Variants in CNTNAP2 observed in about 807,000 individuals in gnomAD.
CNTNAP2 encodes contactin associated protein 2, also known as contactin-associated protein-like 2.
Under a neutral mutation model 155.2 loss-of-function variants are expected in CNTNAP2, and 98 were observed. The observed-to-expected ratio is 0.63, with a 90% CI of 0.54 to 0.75. The LOEUF (loss-of-function observed/expected upper bound fraction) is 0.75, where lower values mean the gene tolerates loss of function less well. Ranked by LOEUF, CNTNAP2 falls within the 30% of genes least tolerant of loss-of-function variation. The probability of loss-of-function intolerance (pLI) is 0.00; values close to 1 mark genes in which losing one functional copy is unlikely to be tolerated. For synonymous variants in CNTNAP2, 651 were observed against 631.2 expected (o/e 1.03, Z -0.47); for missense variants, 1,727 against 1,688.1 (o/e 1.02, Z -0.40).
At chr7:147,574,143 CT>C (rs1255990450) in intron 12 of CNTNAP2, among the ~76,000 whole-genome samples, 4 of 152,150 alleles carry the variant, frequency 2.6e-5, no homozygotes, top group East Asian at 3.9e-4. Context: ...AATCAGAGTT[CT>C]TTTTTCTTCT....
chr7:147,307,723 C>CTTTT (rs1389359484), intron 9 of CNTNAP2, among the ~76,000 whole-genome samples: 1 of 152,086 alleles, frequency 6.6e-6, no homozygotes, highest in Non-Finnish European at 1.5e-5. Context: ...ATCTTTTTAT[C>CTTTT]TTTTTTCTAG....
In CNTNAP2 at chr7:146,831,246, A is replaced by T. The variant is rs747343586; in HGVS notation, c.209-8465A>T. Among the ~76,000 whole-genome samples the T allele has an allele frequency of 4.4e-4, 67 of 152,052 alleles. 2 individuals are homozygous for T. The highest frequency in any genetic ancestry group is 1.5e-4 in the Non-Finnish European group (10 of 67,994). On this transcript the variant is annotated intron_variant, in intron 2 of 23. Coordinates refer to ENST00000361727, the MANE Select transcript of CNTNAP2 (RefSeq NM_014141.6). ...ACCAACTTCACTGTTTTTAAAATTT[A>T]TGGTTTTTATGGTTTTTAGTTTTTG...
chr7:146,618,603 T>A (rs1459228436), intron 1 of CNTNAP2, among the ~76,000 whole-genome samples: 2 of 152,200 alleles, frequency 1.3e-5, no homozygotes, highest in Non-Finnish European at 2.9e-5. Context: ...AAAGAAACTC[T>A]GCACTTATAA....
At chr7:147,444,645 A>G (rs1797701606) in intron 10 of CNTNAP2, among the ~76,000 whole-genome samples, 1 of 151,500 alleles carries the variant, frequency 6.6e-6, no homozygotes, top group Admixed American at 6.6e-5. Context: ...GTTGCTCTGC[A>G]TAGATTATTG....
At chr7:148,193,558 G>A (rs1250443783) in intron 18 of CNTNAP2, among the ~76,000 whole-genome samples, 1 of 152,124 alleles carries the variant, frequency 6.6e-6, no homozygotes, top group African/African-American at 2.4e-5. Flanking sequence ...ATGTGGCCCT[G>A]ATGAGGATTC....
rs868044083 is a variant in CNTNAP2 at position 147,658,256 on chromosome 7, C to A, written c.2098+18950C>A. Among the ~76,000 whole-genome samples, 299 of 95,308 alleles carry A rather than the reference C, an allele frequency of 3.1e-3. 15 individuals are homozygous for A. Among genetic ancestry groups the A allele is most frequent in the Middle Eastern group, 0.014 (2 of 144 alleles). The allele number at this position is 95,308 out of a possible 152,430, so 62.5% of individuals were successfully genotyped here. ...TGGGAGACAGAGCGAGACTCCGTCCCAAAAAAAAAAAAAAAAAAAGATAGC... is the reference window on the plus strand; with the variant it reads ...TGGGAGACAGAGCGAGACTCCGTCCAAAAAAAAAAAAAAAAAAAAGATAGC... On this transcript the variant is annotated intron_variant, in intron 13 of 23. Transcript: ENST00000361727.
intron 3 of CNTNAP2, chr7:146,962,920 C>A (rs1797584773): frequency 6.6e-6 from 1 of 152,224 alleles, no homozygotes. Context: ...TCACCCTAGA[C>A]TGCTCTCCCA....
chr7:148,359,478 G>A (rs1040110209), intron 21 of CNTNAP2, among the ~76,000 whole-genome samples: 3 of 152,206 alleles, frequency 2.0e-5, no homozygotes, highest in East Asian at 1.9e-4. Context: ...AGTGGCATCC[G>A]TGTGACATAG....
chr7:146,299,711 C>G (rs187871831), intron 1 of CNTNAP2, among the ~76,000 whole-genome samples: 2 of 152,050 alleles, frequency 1.3e-5, no homozygotes, highest in Admixed American at 1.3e-4. Flanking sequence ...TGGGAACTTA[C>G]AGCCTAGTAT....
intron 9 of CNTNAP2, among the ~76,000 whole-genome samples, chr7:147,391,923 CCTGGCT>C (rs1361410094): frequency 3.3e-5 from 5 of 152,070 alleles, no homozygotes; most frequent in Admixed American, 2.6e-4. Context: ...TTCAGTAATG[CCTGGCT>C]TCTTCATTTG....
At chr7:147,214,800 A>G (rs1803230364) in intron 8 of CNTNAP2, among the ~76,000 whole-genome samples, 1 of 152,110 alleles carries the variant, frequency 6.6e-6, no homozygotes, top group Non-Finnish European at 1.5e-5. Context: ...CCATTTTCAC[A>G]CTGCTATGAA....
intron 12 of CNTNAP2, among the ~76,000 whole-genome samples, chr7:147,609,236 T>C (rs1212693151): frequency 1.3e-5 from 2 of 152,032 alleles, no homozygotes; most frequent in Admixed American, 1.3e-4. Flanking sequence ...TTATTGCCCT[T>C]TAAGAAGGTG....
At chr7:147,696,309 A>T (rs919462227) in intron 13 of CNTNAP2, among the ~76,000 whole-genome samples, 2 of 151,600 alleles carry the variant, frequency 1.3e-5, no homozygotes, top group Non-Finnish European at 2.9e-5. Flanking sequence ...ATTTTATATG[A>T]CTCTATCCTC....
At chr7:147,729,863 A>G (rs1406239486) in intron 13 of CNTNAP2, among the ~76,000 whole-genome samples, 1 of 152,124 alleles carries the variant, frequency 6.6e-6, no homozygotes, top group Non-Finnish European at 1.5e-5. Context: ...AAAAGATGAG[A>G]GAAAAAAGAC....
intron 9 of CNTNAP2, among the ~76,000 whole-genome samples, chr7:147,325,273 C>G (rs1026920362): frequency 7.2e-5 from 11 of 152,270 alleles, no homozygotes; most frequent in African/African-American, 2.4e-4. Flanking sequence ...ACACTCCAGT[C>G]TGGGATGGGA....
At chr7:147,036,603 A>C (rs926058048) in intron 3 of CNTNAP2, among the ~76,000 whole-genome samples, 1 of 152,180 alleles carries the variant, frequency 6.6e-6, no homozygotes, top group Non-Finnish European at 1.5e-5. Flanking sequence ...TGCCTCTAAG[A>C]GAGATTTAAT....
intron 14 of CNTNAP2, among the ~76,000 whole-genome samples, chr7:147,951,006 A>T (rs1447687236): frequency 6.6e-6 from 1 of 152,230 alleles, no homozygotes; most frequent in Non-Finnish European, 1.5e-5. Flanking sequence ...GGATATAAGC[A>T]TCTGACTCTA....
intron 16 of CNTNAP2, among the ~76,000 whole-genome samples, chr7:148,127,635 A>G (rs1278849999): frequency 1.3e-5 from 2 of 152,234 alleles, no homozygotes; most frequent in African/African-American, 2.4e-5. Context: ...AATATTCTGC[A>G]ATATACAGAA....
At chr7:146,992,276 G>C (rs1242601865) in intron 3 of CNTNAP2, among the ~76,000 whole-genome samples, 1 of 152,088 alleles carries the variant, frequency 6.6e-6, no homozygotes, top group East Asian at 1.9e-4. Context: ...CGTTAGTAAA[G>C]ATAGGAAAGA....
Sources: gnomAD v4.1 joint callset for allele counts (sites outside exome capture counted in the v4.1 genomes callset) on GRCh38, gnomAD v4.1.1 for gene constraint, MANE v1.5 for transcripts, NCBI Gene and HGNC (gene_info 2026-07-23, HGNC 2026-07-21) for gene names.